The following PRKCE variants were observed in gnomAD, a reference collection of about 807,000 sequenced individuals.
PRKCE encodes the protein protein kinase C epsilon, also known as protein kinase C epsilon type.
Under a neutral mutation model 85.4 loss-of-function variants are expected in PRKCE, and 16 were observed. The observed-to-expected ratio is 0.19, with a 90% CI of 0.13 to 0.28. The LOEUF (loss-of-function observed/expected upper bound fraction) is 0.28. PRKCE is among the 10% of genes least tolerant of loss of function. The pLI, the probability that PRKCE is intolerant of heterozygous loss-of-function variation, is 1.00. For synonymous variants in PRKCE, 388 were observed against 371.5 expected (o/e 1.04, Z -0.51); for missense variants, 573 against 975.2 (o/e 0.59, Z 5.49).
chr2:46,182,375 A>G (rs1205584225), intron 14 of PRKCE, among the ~76,000 whole-genome samples: 2 of 152,144 alleles, frequency 1.3e-5, no homozygotes, highest in Non-Finnish European at 1.5e-5. Flanking sequence ...TTCCCTCTCA[A>G]GCAGGGCCCT....
At chr2:45,781,550 A>G (rs1686189480) in intron 1 of PRKCE, among the ~76,000 whole-genome samples, 1 of 152,212 alleles carries the variant, frequency 6.6e-6, no homozygotes. Flanking sequence ...TGTTCTGCAT[A>G]CAGGCAGAAC....
At chr2:45,807,850 A>C (rs1688359829) in intron 1 of PRKCE, among the ~76,000 whole-genome samples, 1 of 148,746 alleles carries the variant, frequency 6.7e-6, no homozygotes, top group Non-Finnish European at 1.5e-5. Flanking sequence ...TGATAGCTCC[A>C]GCCCCTGCCC....
At chr2:45,901,134 T>C (rs1696548669) in intron 2 of PRKCE, among the ~76,000 whole-genome samples, 1 of 152,240 alleles carries the variant, frequency 6.6e-6, no homozygotes, top group Non-Finnish European at 1.5e-5. Context: ...ACTATGTATA[T>C]AGATGTTTGG....
At chr2:46,009,162 A>G (rs1377165014) in intron 9 of PRKCE, among the ~76,000 whole-genome samples, 1 of 152,252 alleles carries the variant, frequency 6.6e-6, no homozygotes, top group Non-Finnish European at 1.5e-5. Flanking sequence ...TTGAAAAGGA[A>G]TCACGTTTCC....
intron 1 of PRKCE, among the ~76,000 whole-genome samples, chr2:45,666,522 A>C (rs963563908): frequency 3.3e-5 from 5 of 151,618 alleles, no homozygotes; most frequent in African/African-American, 1.2e-4. Context: ...TTCATACCCA[A>C]ACTCTTTCTA....
chr2:46,134,785 G>T (rs1006514928), intron 11 of PRKCE, among the ~76,000 whole-genome samples: 1 of 152,254 alleles, frequency 6.6e-6, no homozygotes, highest in Non-Finnish European at 1.5e-5. Flanking sequence ...AAGTTGATTG[G>T]CCTGGAGAGA....
At chr2:45,867,278 T>G (rs1393387626) in intron 2 of PRKCE, among the ~76,000 whole-genome samples, 1 of 152,364 alleles carries the variant, frequency 6.6e-6, no homozygotes, top group Non-Finnish European at 1.5e-5. Flanking sequence ...GGCCTTGGAA[T>G]AGGGTCGCCA....
rs112804417 is a variant in PRKCE at position 45,653,035 on chromosome 2, T to C, written c.348+587T>C. On this transcript the variant is annotated intron_variant, in intron 1 of 14. Transcript: ENST00000306156. ...TGTCTCCTCTATGGTCCCAGAAACA[T>C]CAGTCGAGCTTGTTTTGTCCAATTC... Among the ~76,000 whole-genome samples, 41 of 152,322 alleles carry C rather than the reference T, an allele frequency of 2.7e-4. 1 individual carries two copies. Among genetic ancestry groups the C allele is most frequent in the African/African-American group, 9.1e-4 (38 of 41,580 alleles).
intron 1 of PRKCE, among the ~76,000 whole-genome samples, chr2:45,785,163 A>T (rs1686497096): frequency 6.6e-6 from 1 of 152,316 alleles, no homozygotes; most frequent in Admixed American, 6.5e-5. Flanking sequence ...CTTAAGTTGT[A>T]TTATAGCATT....
At chr2:45,712,227 A>G (rs1290501975) in intron 1 of PRKCE, among the ~76,000 whole-genome samples, 1 of 131,150 alleles carries the variant, frequency 7.6e-6, no homozygotes, top group Non-Finnish European at 1.5e-5. Context: ...GGCTTACTGC[A>G]ACCTCCACCT....
chr2:46,099,079 CTCT>C (rs975816971), intron 11 of PRKCE, among the ~76,000 whole-genome samples: 6 of 152,076 alleles, frequency 3.9e-5, no homozygotes, highest in Admixed American at 2.6e-4. Flanking sequence ...GCTTCTGGGT[CTCT>C]TCTTCCAACA....
At chr2:46,182,178 C>T (rs1041290258) in intron 14 of PRKCE, among the ~76,000 whole-genome samples, 2 of 152,126 alleles carry the variant, frequency 1.3e-5, no homozygotes, top group African/African-American at 4.8e-5. Context: ...ACAGCCTACC[C>T]AGCCCGCTCC....
At chr2:45,700,032 C>G (rs1678491701) in intron 1 of PRKCE, among the ~76,000 whole-genome samples, 1 of 152,006 alleles carries the variant, frequency 6.6e-6, no homozygotes, top group Admixed American at 6.6e-5. Flanking sequence ...TGGCCAGGCC[C>G]AGCCCACCAG....
intron 10 of PRKCE, among the ~76,000 whole-genome samples, chr2:46,079,439 A>G (rs1310824223): frequency 1.3e-5 from 2 of 152,144 alleles, no homozygotes; most frequent in East Asian, 1.9e-4. Context: ...ATCATCTTCT[A>G]TATCCCCCAG....
At chr2:45,958,810 ATATATATTTTTTTTTTTTTT>A (rs1324837586) in intron 2 of PRKCE, among the ~76,000 whole-genome samples, 18 of 24,008 alleles carry the variant, frequency 7.5e-4, no homozygotes, top group African/African-American at 3.4e-3. Flanking sequence ...ATATATATAT[ATATATATTTTTTTTTTTTTT>A]TTTTTTTTTT....
At chr2:45,795,345 G>A (rs1252880266) in intron 1 of PRKCE, among the ~76,000 whole-genome samples, 2 of 152,106 alleles carry the variant, frequency 1.3e-5, no homozygotes, top group Non-Finnish European at 2.9e-5. Context: ...TGTTGCTCTT[G>A]TCACCCAGGC....
intron 1 of PRKCE, among the ~76,000 whole-genome samples, chr2:45,737,409 G>A (rs1240806771): frequency 2.0e-5 from 3 of 152,086 alleles, no homozygotes; most frequent in East Asian, 3.9e-4. Flanking sequence ...GCTCTTCTTC[G>A]GAGCACTCAG....
At chr2:45,773,434 A>G (rs1685499897) in intron 1 of PRKCE, among the ~76,000 whole-genome samples, 1 of 152,168 alleles carries the variant, frequency 6.6e-6, no homozygotes, top group African/African-American at 2.4e-5. Context: ...GCAGCTCTGT[A>G]AGGGAGGTGC....
Position 46,145,566 on chromosome 2 carries a change from A to G in PRKCE, c.1731+335A>G, listed in dbSNP as rs958388309. 6.6e-6 allele frequency among the ~76,000 whole-genome samples: 1 copy of G among 152,150 alleles called. No individual in the cohort carries two copies. The highest frequency in any genetic ancestry group is 6.5e-5 in the Admixed American group (1 of 15,280). ...CGTGTTGACTTTTATTATTGTTTTC[A>G]TGTCTTTAAAATCAGAACAGGGTGG... On this transcript the variant is annotated intron_variant, in intron 12 of 14. Coordinates refer to ENST00000306156, the MANE Select transcript of PRKCE (RefSeq NM_005400.3). This position sits in a 1 kb window ranked among gnomAD's most constrained non-coding sequence, Gnocchi z 4.6.
Sources: allele counts gnomAD v4.1 joint callset (sites outside exome capture counted in the v4.1 genomes callset), GRCh38; gene constraint gnomAD v4.1.1; non-coding constraint Gnocchi (gnomAD v3.1); transcripts MANE v1.5; gene names NCBI Gene and HGNC (gene_info 2026-07-23, HGNC 2026-07-21).